TOP3A: variants seen among roughly 807,000 people sequenced by gnomAD.
The protein encoded by TOP3A is DNA topoisomerase 3-alpha.
Under a neutral mutation model 111.3 loss-of-function variants are expected in TOP3A, and 64 were observed. The observed-to-expected ratio is 0.57, with a 90% CI of 0.47 to 0.71. The LOEUF is 0.71. Among genes scored for constraint, TOP3A ranks in the 30% least tolerant of loss-of-function variants. The probability of loss-of-function intolerance (pLI) is 0.00; values close to 1 mark genes in which losing one functional copy is unlikely to be tolerated. For synonymous variants in TOP3A, 484 were observed against 485.1 expected (o/e 1.00, Z 0.03); for missense variants, 1,104 against 1,285.0 (o/e 0.86, Z 2.15).
intron 9 of TOP3A, among the ~76,000 whole-genome samples, chr17:18,295,396 C>T (rs760312528): frequency 2.0e-5 from 3 of 152,060 alleles, no homozygotes; most frequent in Admixed American, 1.3e-4. Context: ...GATCTGCCCG[C>T]CTCGGCCTCC....
At position 18,274,651 on chromosome 17, in the gene TOP3A, T is replaced by TACAA. The variant is rs1485776272; in HGVS notation, c.*150_*151insTTGT. 1.9e-5 allele frequency: 25 copies of TACAA among 1,317,172 alleles called. No homozygotes were observed. Among genetic ancestry groups the TACAA allele is most frequent in the Non-Finnish European group, 2.5e-5 (25 of 984,752 alleles). 81.6% of individuals were successfully genotyped at this position (1,317,172 alleles called of 1,614,324 possible). On this transcript the variant is annotated 3_prime_UTR_variant, in exon 19 of 19. Transcript: ENST00000321105. Reference sequence around the variant, plus strand: ...CTGCTCCAGAGTGATCTGGACCTTGTGCCCCTTAACACAAGAAGGCCCGAC... The same window carrying TACAA: ...CTGCTCCAGAGTGATCTGGACCTTGTACAAGCCCCTTAACACAAGAAGGCCCGAC...
intron 10 of TOP3A, 25 bp downstream of exon 10, chr17:18,294,678 C>T (rs1413595396): frequency 1.3e-6 from 2 of 1,555,358 alleles, no homozygotes; most frequent in Non-Finnish European, 1.8e-6. Flanking sequence ...GGTTCAAATT[C>T]TACTCCCAAA....
intron 17 of TOP3A, among the ~76,000 whole-genome samples, chr17:18,279,125 G>C (rs1377392580): frequency 6.6e-6 from 1 of 152,080 alleles, no homozygotes; most frequent in Non-Finnish European, 1.5e-5. Flanking sequence ...TATTAAGCCA[G>C]ACATACAAAT....
At chr17:18,285,109 T>G in intron 15 of TOP3A, 33 bp downstream of exon 15, 1 of 1,606,602 alleles carries the variant, frequency 6.2e-7, no homozygotes, top group Non-Finnish European at 8.5e-7. Flanking sequence ...GGCAACATAG[T>G]GAGACCCCTC....
At chr17:18,298,415 G>A (rs1283405055) in intron 9 of TOP3A, among the ~76,000 whole-genome samples, 24 of 139,730 alleles carry the variant, frequency 1.7e-4, no homozygotes, top group East Asian at 6.2e-4. Flanking sequence ...CAGCCTCCCC[G>A]TCCGGGAGGG....
chr17:18,299,838 A>G (rs1981113320), intron 8 of TOP3A, among the ~76,000 whole-genome samples: 1 of 152,166 alleles, frequency 6.6e-6, no homozygotes, highest in Non-Finnish European at 1.5e-5. Flanking sequence ...ACTCAAACCA[A>G]GATTGTGAAG....
chr17:18,288,100 C>T (rs888506900), intron 13 of TOP3A, among the ~76,000 whole-genome samples: 1 of 144,334 alleles, frequency 6.9e-6, no homozygotes, highest in African/African-American at 2.6e-5. Flanking sequence ...AGGAGATAAA[C>T]TGTATGGTAT....
At chr17:18,308,464 G>A (rs1293987718) in intron 2 of TOP3A, 40 bp from the exon 3 acceptor site, 2 of 1,424,520 alleles carry the variant, frequency 1.4e-6, no homozygotes, top group Non-Finnish European at 2.0e-6. Context: ...TAGTCTTTTT[G>A]CAGTTATTAT....
In TOP3A at chr17:18,277,880, T is replaced by G. The variant is rs778058480; in HGVS notation, c.2622A>C (p.Pro874=). The G allele has an allele frequency of 1.7e-5, 27 of 1,613,858 alleles. No homozygotes were observed. Among genetic ancestry groups the G allele is most frequent in the Non-Finnish European group, 2.1e-5 (25 of 1,179,980 alleles). ...CACCTAGGTGGATCCCTGGGCCTGG[T>G]GGGCATCCCAGGGAGGCGCCCAGGG... The part of the protein sequence containing the change: ...YRPLGASLGC[P]PGPGIHLGGF... The change falls in exon 18 of 19, where the codon CCA becomes CCC. Residue 874 remains proline, a synonymous_variant. Coordinates refer to ENST00000321105, the MANE Select transcript of TOP3A (RefSeq NM_004618.5).
intron 13 of TOP3A, among the ~76,000 whole-genome samples, 175 bp from the exon 14 acceptor site, chr17:18,285,695 A>G (rs1980051354): frequency 6.6e-6 from 1 of 151,854 alleles, no homozygotes; most frequent in Non-Finnish European, 1.5e-5. Context: ...GGCAACCTCA[A>G]CTCTCTTGTT....
chr17:18,288,675 G>A (rs1313925602), intron 13 of TOP3A, among the ~76,000 whole-genome samples: 3 of 152,060 alleles, frequency 2.0e-5, no homozygotes, highest in Non-Finnish European at 4.4e-5. Context: ...TCCTGCTCCT[G>A]TGCCCTTCCT....
At chr17:18,284,782 A>G (rs78580775) in intron 15 of TOP3A, among the ~76,000 whole-genome samples, 1 of 144,904 alleles carries the variant, frequency 6.9e-6, no homozygotes, top group Non-Finnish European at 1.6e-5. Context: ...ATTAAAGCAG[A>G]AAAAAAAAAG....
In TOP3A at chr17:18,314,795, C is replaced by T. The variant is rs191123452; in HGVS notation, c.-17G>A. ...AAAGATCATCCTCAGACCTCGCGCC[C>T]GGAGCCGCTCCCCGGCTGCCGGCGC... is the stretch of plus-strand genomic sequence containing the variant. On this transcript the variant is annotated 5_prime_UTR_variant, in exon 1 of 19. Transcript: ENST00000321105. 1.1e-4 allele frequency: 162 copies of T among 1,494,068 alleles called. No homozygotes were observed. In the East Asian group the frequency reaches 3.0e-3, roughly 27 times the overall value. The allele number at this position is 1,494,068 out of a possible 1,614,324, so 92.6% of individuals were successfully genotyped here.
At chr17:18,277,531 GA>G (rs1979453064) in intron 18 of TOP3A, 143 bp downstream of exon 18, 6 of 811,828 alleles carry the variant, frequency 7.4e-6, no homozygotes, top group Non-Finnish European at 1.2e-5. Flanking sequence ...GTGATCAAGT[GA>G]GGAAAAGTGA....
At chr17:18,305,489 C>T (rs549351428) in intron 4 of TOP3A, among the ~76,000 whole-genome samples, 1 of 122,766 alleles carries the variant, frequency 8.1e-6, no homozygotes, top group Non-Finnish European at 1.9e-5. Context: ...CACACACACG[C>T]GCGCGCGCGC....
At chr17:18,308,223 CAAAAAAAAAAA>C (rs201230376) in intron 3 of TOP3A, 117 bp downstream of exon 3, 155 of 245,732 alleles carry the variant, frequency 6.3e-4, no homozygotes, top group East Asian at 3.9e-3. Context: ...TTGTCTCCAA[CAAAAAAAAAAA>C]AAAAAAAAAA....
At chr17:18,305,297 T>A in intron 4 of TOP3A, 77 bp from the exon 5 acceptor site, 1 of 1,225,454 alleles carries the variant, frequency 8.2e-7, no homozygotes, top group South Asian at 1.2e-5. Context: ...GCTAAGGGGA[T>A]CTGACTGAAG....
chr17:18,297,950 C>G (rs963591525), intron 9 of TOP3A, among the ~76,000 whole-genome samples: 7 of 151,432 alleles, frequency 4.6e-5, no homozygotes, highest in African/African-American at 1.7e-4. Context: ...GCGTCTCTGC[C>G]CGGCCGCCAT....
At chr17:18,306,838 C>T in intron 4 of TOP3A, 53 bp downstream of exon 4, 1 of 1,174,430 alleles carries the variant, frequency 8.5e-7, no homozygotes, top group Non-Finnish European at 1.3e-6. Flanking sequence ...AGAAATCACT[C>T]TGTTTGACTC....
Sources: allele counts gnomAD v4.1 joint callset (sites outside exome capture counted in the v4.1 genomes callset), GRCh38; gene constraint gnomAD v4.1.1; transcripts MANE v1.5; gene names NCBI Gene and HGNC (gene_info 2026-07-23, HGNC 2026-07-21).